Variants in LARGE1 observed in about 807,000 individuals in gnomAD.
LARGE1 encodes xylosyl- and glucuronyltransferase LARGE1.
In LARGE1, 43 loss-of-function variants were observed where a neutral mutation model predicts 87.6. The ratio of observed to expected loss-of-function variants is 0.49; its 90% CI spans 0.38 to 0.63. The LOEUF is 0.63. Ranked by LOEUF, LARGE1 falls within the 30% of genes least tolerant of loss-of-function variation. The pLI, the probability that LARGE1 is intolerant of heterozygous loss-of-function variation, is 0.00. For missense variants in LARGE1, 802 were observed against 1,000.2 expected, an observed-to-expected ratio of 0.80 and a Z score of 2.67; for synonymous variants, 434 against 394.6, an observed-to-expected ratio of 1.10 and a Z score of -1.18.
At chr22:33,621,309 A>G (rs1340461636) in intron 4 of LARGE1, among the ~76,000 whole-genome samples, 1 of 152,106 alleles carries the variant, frequency 6.6e-6, no homozygotes, top group Non-Finnish European at 1.5e-5. Flanking sequence ...ATACTGGGTC[A>G]AGGTCTTCCC....
intron 7 of LARGE1, among the ~76,000 whole-genome samples, chr22:33,419,218 A>G (rs1249234158): frequency 1.3e-5 from 2 of 152,018 alleles, no homozygotes; most frequent in African/African-American, 4.8e-5. Context: ...ACTCACTATC[A>G]CAAGTACAGC....
downstream of LARGE1, chr22:33,162,142 C>T (rs1922048988): frequency 6.6e-6 from 1 of 152,190 alleles, no homozygotes; most frequent in African/African-American, 2.4e-5. Context: ...ACAGTAGCAC[C>T]CCACTCTCAT....
At chr22:33,280,301 A>C (rs1407939969) in intron 13 of LARGE1, among the ~76,000 whole-genome samples, 1 of 139,548 alleles carries the variant, frequency 7.2e-6, no homozygotes, top group African/African-American at 2.9e-5. Context: ...AGTTTCTGAT[A>C]TATGGTAACT....
At chr22:33,707,044 C>T (rs1055430834) in intron 2 of LARGE1, among the ~76,000 whole-genome samples, 1 of 152,184 alleles carries the variant, frequency 6.6e-6, no homozygotes, top group Non-Finnish European at 1.5e-5. Context: ...CAGAAAGCAG[C>T]CTGAAAAAGC....
intron 1 of LARGE1, among the ~76,000 whole-genome samples, chr22:33,768,667 C>T (rs745985732): frequency 1.1e-4 from 16 of 152,314 alleles, no homozygotes; most frequent in Middle Eastern, 3.4e-3. Flanking sequence ...CTGTGCATTA[C>T]TTGATCTCTC....
chr22:33,751,654 G>A (rs2084320626), intron 2 of LARGE1, among the ~76,000 whole-genome samples: 1 of 151,928 alleles, frequency 6.6e-6, no homozygotes, highest in Non-Finnish European at 1.5e-5. Flanking sequence ...TTTTGAACTT[G>A]GTATAATTGG....
intron 5 of LARGE1, among the ~76,000 whole-genome samples, chr22:33,581,391 T>C (rs184006334): frequency 1.2e-3 from 184 of 152,318 alleles, no homozygotes; most frequent in African/African-American, 4.2e-3. Flanking sequence ...AAAATCAGCT[T>C]GGTGAAATGG....
intron 1 of LARGE1, among the ~76,000 whole-genome samples, chr22:33,823,860 G>A (rs1228327903): frequency 2.6e-5 from 4 of 152,216 alleles, no homozygotes; most frequent in East Asian, 3.9e-4. Context: ...GGCACGTCTC[G>A]ATACAGGGCT....
intron 6 of LARGE1, among the ~76,000 whole-genome samples, chr22:33,554,715 A>C (rs1181241026): frequency 6.6e-6 from 1 of 152,182 alleles, no homozygotes; most frequent in African/African-American, 2.4e-5. Flanking sequence ...CCCACACATC[A>C]GCCAAAGGGA....
intron 9 of LARGE1, among the ~76,000 whole-genome samples, chr22:33,339,574 G>C (rs1443453010): frequency 6.6e-6 from 1 of 152,068 alleles, no homozygotes; most frequent in Non-Finnish European, 1.5e-5. Flanking sequence ...AGCCTAGGAT[G>C]ATGGTTAAGA....
chr22:33,454,169 A>G (rs2068042595), intron 6 of LARGE1, among the ~76,000 whole-genome samples: 1 of 152,110 alleles, frequency 6.6e-6, no homozygotes, highest in Non-Finnish European at 1.5e-5. Context: ...TATTCCAACA[A>G]TTACAGAGTT....
intron 6 of LARGE1, among the ~76,000 whole-genome samples, chr22:33,497,291 G>A (rs983345931): frequency 2.6e-5 from 4 of 152,144 alleles, no homozygotes; most frequent in South Asian, 2.1e-4. Context: ...GGCAAGGCTG[G>A]TCTCAAACTC....
chr22:33,732,125 T>C (rs976264494), intron 2 of LARGE1: 12 of 152,296 alleles, frequency 7.9e-5, no homozygotes, highest in Admixed American at 3.3e-4. Flanking sequence ...AGGTTAGTGA[T>C]AGTAGGCACC....
intron 6 of LARGE1, among the ~76,000 whole-genome samples, chr22:33,540,981 T>A (rs1220405241): frequency 1.4e-5 from 2 of 139,248 alleles, no homozygotes; most frequent in African/African-American, 5.4e-5. Flanking sequence ...TAAAAAAAAA[T>A]ATAAAAATTA....
At chr22:33,661,499 G>C (rs550135276) in intron 2 of LARGE1, among the ~76,000 whole-genome samples, 1 of 151,892 alleles carries the variant, frequency 6.6e-6, no homozygotes, top group South Asian at 2.1e-4. Flanking sequence ...ACAGATGTGA[G>C]CTTCCGCACC....
At chr22:33,790,190 C>T (rs569363712) in intron 1 of LARGE1, among the ~76,000 whole-genome samples, 97 of 152,264 alleles carry the variant, frequency 6.4e-4, no homozygotes, top group African/African-American at 2.1e-3. Flanking sequence ...ATGGGAGTTC[C>T]CCTGCACAAC....
chr22:33,408,147 A>T (rs914901617), intron 7 of LARGE1, among the ~76,000 whole-genome samples: 1 of 150,934 alleles, frequency 6.6e-6, no homozygotes, highest in South Asian at 2.1e-4. Context: ...CGCCCAGCTA[A>T]TTTTTTTTTG....
chr22:33,703,355 G>GAAAAAAAAAAAAAAAAGA (rs780406393), intron 2 of LARGE1, among the ~76,000 whole-genome samples: 1 of 86,650 alleles, frequency 1.2e-5, no homozygotes, highest in African/African-American at 4.0e-5. Flanking sequence ...AGCCTAAAGT[G>GAAAAAAAAAAAAAAAAGA]AAAAAAAAAA....
chr22:33,742,456 T>C (rs189246798), intron 2 of LARGE1, among the ~76,000 whole-genome samples: 31 of 152,298 alleles, frequency 2.0e-4, no homozygotes, highest in African/African-American at 7.0e-4. Flanking sequence ...GGAACTGTCA[T>C]GTAGTATGAG....
Sources: allele counts gnomAD v4.1 joint callset (sites outside exome capture counted in the v4.1 genomes callset), GRCh38; gene constraint gnomAD v4.1.1; transcripts MANE v1.5; gene names NCBI Gene and HGNC (gene_info 2026-07-23, HGNC 2026-07-21).